Variants in SUGCT observed in about 807,000 individuals in gnomAD.
The protein encoded by SUGCT is succinyl-CoA:glutarate CoA-transferase.
A neutral mutation model predicts 55.0 loss-of-function variants in SUGCT; 41 were observed. That is an observed-to-expected ratio of 0.74 (90% CI 0.58 to 0.97). SUGCT has a LOEUF of 0.97. Among genes scored for constraint, SUGCT ranks in the 50% least tolerant of loss-of-function variants. The pLI is 0.00. For missense variants in SUGCT, 568 were observed against 547.8 expected (o/e 1.04, Z -0.37); for synonymous variants, 187 against 200.4 (o/e 0.93, Z 0.56).
chr7:40,861,437 A>G (rs539091908), downstream of SUGCT, among the ~76,000 whole-genome samples: 31 of 152,314 alleles, frequency 2.0e-4, no homozygotes, highest in South Asian at 6.4e-3. Flanking sequence ...AGTAGGTGAG[A>G]AATGATTAGG....
chr7:40,864,935 G>A (rs556911158), downstream of SUGCT, among the ~76,000 whole-genome samples: 1 of 152,052 alleles, frequency 6.6e-6, no homozygotes, highest in South Asian at 2.1e-4. Flanking sequence ...CATTTATTAA[G>A]ACCTTAGGGT....
At chr7:40,672,705 T>C (rs757927948) in intron 12 of SUGCT, among the ~76,000 whole-genome samples, 1 of 152,190 alleles carries the variant, frequency 6.6e-6, no homozygotes, top group Non-Finnish European at 1.5e-5. Flanking sequence ...TTTTACAAGA[T>C]GTTACCATTG....
chr7:40,689,806 T>C (rs1216343058), intron 12 of SUGCT, among the ~76,000 whole-genome samples: 1 of 152,108 alleles, frequency 6.6e-6, no homozygotes, highest in Non-Finnish European at 1.5e-5. Flanking sequence ...GAGAAGGATA[T>C]TGAGTGAGTC....
chr7:40,609,828 G>A (rs942360587), intron 12 of SUGCT, among the ~76,000 whole-genome samples: 12 of 152,072 alleles, frequency 7.9e-5, no homozygotes, highest in Non-Finnish European at 7.4e-5. Context: ...ATTTCAAAAC[G>A]CTAAGTGATT....
intron 9 of SUGCT, among the ~76,000 whole-genome samples, chr7:40,373,663 C>T (rs1239485153): frequency 1.3e-5 from 2 of 152,004 alleles, no homozygotes; most frequent in Non-Finnish European, 2.9e-5. Flanking sequence ...TACTGGAAGT[C>T]ACATGCAAGT....
chr7:40,262,179 A>G (rs978243092), intron 7 of SUGCT, among the ~76,000 whole-genome samples: 14 of 152,300 alleles, frequency 9.2e-5, no homozygotes, highest in African/African-American at 2.2e-4. Flanking sequence ...TAGGCTGCCA[A>G]TGAATTGATT....
intron 9 of SUGCT, among the ~76,000 whole-genome samples, chr7:40,365,432 G>C (rs1783892826): frequency 6.6e-6 from 1 of 151,748 alleles, no homozygotes; most frequent in Non-Finnish European, 1.5e-5. Context: ...GCAGGAGAAG[G>C]AAATAAAGGG....
At chr7:40,899,214 C>G in the SUGCT span, among the ~76,000 whole-genome samples, 1 of 152,200 alleles carries the variant, frequency 6.6e-6, no homozygotes, top group African/African-American at 2.4e-5. Context: ...AGACTGGCAT[C>G]TCTGGCCGCC....
the SUGCT span, among the ~76,000 whole-genome samples, chr7:40,925,403 C>T: frequency 4.6e-5 from 7 of 152,296 alleles, no homozygotes; most frequent in Admixed American, 4.6e-4. Flanking sequence ...TAATAGAATA[C>T]AATCACAATG....
the SUGCT span, among the ~76,000 whole-genome samples, chr7:40,887,838 A>G: frequency 9.9e-5 from 15 of 152,268 alleles, no homozygotes; most frequent in African/African-American, 3.1e-4. Context: ...AAAGACACTG[A>G]AAAGAAGTGC....
chr7:40,288,033 T>A (rs1298144993), intron 8 of SUGCT, among the ~76,000 whole-genome samples: 1 of 152,216 alleles, frequency 6.6e-6, no homozygotes, highest in Non-Finnish European at 1.5e-5. Flanking sequence ...AAATTTCAGT[T>A]GGTCAAGTTG....
chr7:40,875,351 G>C, the SUGCT span, among the ~76,000 whole-genome samples: 1 of 152,346 alleles, frequency 6.6e-6, no homozygotes, highest in Non-Finnish European at 1.5e-5. Flanking sequence ...GGACATGTTA[G>C]TGTAGTTCCA....
intron 12 of SUGCT, among the ~76,000 whole-genome samples, chr7:40,705,576 T>C (rs1296364182): frequency 6.6e-6 from 1 of 152,202 alleles, no homozygotes; most frequent in African/African-American, 2.4e-5. Context: ...ATAACACTAT[T>C]ACAAATCCTA....
chr7:40,562,947 C>G (rs1475734944), intron 12 of SUGCT, among the ~76,000 whole-genome samples: 2 of 152,114 alleles, frequency 1.3e-5, no homozygotes, highest in Non-Finnish European at 2.9e-5. Context: ...GGACTTGGCT[C>G]TGATAGTTGA....
Position 40,188,592 on chromosome 7 carries a change from A to G in SUGCT, c.312+12A>G. ...ACCGAAATAAAAAAGTAAGAATATC[A>G]TCCCTTTTTTGCTTTTTGTGTGTAA... On this transcript the variant is annotated intron_variant, in intron 4 of 13. Transcript: ENST00000335693. 6.3e-7 allele frequency: 1 copy of G among 1,575,020 alleles called. No individual in the cohort carries two copies. The highest frequency in any genetic ancestry group is 8.6e-7 in the Non-Finnish European group (1 of 1,158,260).
intron 12 of SUGCT, among the ~76,000 whole-genome samples, chr7:40,550,525 G>C (rs1451716566): frequency 6.6e-6 from 1 of 152,190 alleles, no homozygotes; most frequent in African/African-American, 2.4e-5. Flanking sequence ...GGGTAGAGGA[G>C]AGCAACCACA....
intron 12 of SUGCT, among the ~76,000 whole-genome samples, chr7:40,513,783 ATTTTTTTTT>A (rs869065628): frequency 6.7e-5 from 7 of 103,992 alleles, no homozygotes; most frequent in Non-Finnish European, 1.1e-4. Flanking sequence ...TCAGGGAAGT[ATTTTTTTTT>A]TTTTTTTTTT....
At chr7:40,440,181 A>T (rs1394184814) in intron 9 of SUGCT, among the ~76,000 whole-genome samples, 1 of 97,276 alleles carries the variant, frequency 1.0e-5, no homozygotes, top group African/African-American at 4.4e-5. Context: ...TTTTTTTAAG[A>T]CTGGTTCCTG....
chr7:40,207,048 A>T (rs888367811), intron 6 of SUGCT, among the ~76,000 whole-genome samples: 1 of 152,042 alleles, frequency 6.6e-6, no homozygotes, highest in Non-Finnish European at 1.5e-5. Context: ...AAAATAAAAA[A>T]ATTAGCCAAG....
Sources: gnomAD v4.1 joint callset for allele counts (sites outside exome capture counted in the v4.1 genomes callset) on GRCh38, gnomAD v4.1.1 for gene constraint, MANE v1.5 for transcripts, NCBI Gene and HGNC (gene_info 2026-07-23, HGNC 2026-07-21) for gene names.